PTPRD: variants seen among roughly 807,000 people sequenced by gnomAD.
PTPRD encodes protein tyrosine phosphatase receptor type D.
A neutral mutation model predicts 214.5 loss-of-function variants in PTPRD; 34 were observed. That is an observed-to-expected ratio of 0.16 (90% CI 0.12 to 0.21). The LOEUF (loss-of-function observed/expected upper bound fraction) is 0.21, where lower values mean the gene tolerates loss of function less well. Among genes scored for constraint, PTPRD ranks in the 10% least tolerant of loss-of-function variants. The pLI is 1.00. For synonymous variants in PTPRD, 1,128 were observed against 845.7 expected, an observed-to-expected ratio of 1.33 and a Z score of -5.79; for missense variants, 2,545 against 2,398.7, an observed-to-expected ratio of 1.06 and a Z score of -1.27.
At chr9:9,486,195 T>G (rs1366178346) in intron 8 of PTPRD, among the ~76,000 whole-genome samples, 1 of 125,078 alleles carries the variant, frequency 8.0e-6, no homozygotes, top group African/African-American at 3.0e-5. Context: ...AGCCTTCCCT[T>G]GAAGTCACTA....
intron 9 of PTPRD, among the ~76,000 whole-genome samples, chr9:9,345,345 G>A (rs1018989401): frequency 6.6e-6 from 1 of 152,060 alleles, no homozygotes; most frequent in South Asian, 2.1e-4. Context: ...TACAGCAGTA[G>A]GTTTTTGTTA....
At chr9:8,485,702 C>T in intron 28 of PTPRD, 60 bp downstream of exon 28, 2 of 1,417,008 alleles carry the variant, frequency 1.4e-6, no homozygotes, top group Non-Finnish European at 1.9e-6. Context: ...CTTCAAAATA[C>T]TGATTTCCAA....
chr9:9,884,456 T>C (rs1020128940), intron 5 of PTPRD, among the ~76,000 whole-genome samples: 2 of 152,132 alleles, frequency 1.3e-5, no homozygotes, highest in East Asian at 1.9e-4. Context: ...GCAGAGCTCA[T>C]TGTTTACAAA....
chr9:8,758,392 C>A (rs2094167867), intron 11 of PTPRD, among the ~76,000 whole-genome samples: 1 of 152,200 alleles, frequency 6.6e-6, no homozygotes, highest in Non-Finnish European at 1.5e-5. Context: ...ATGGGAAAAG[C>A]TGATACCTTA....
In PTPRD at chr9:9,925,995, A is replaced by AT. The variant is rs537590857; in HGVS notation, c.-368+12511dup. Among the ~76,000 whole-genome samples the AT allele has an allele frequency of 1.1e-3, 168 of 151,804 alleles. 5 individuals are homozygous for AT. The South Asian group carries it at 0.034, about 30-fold the overall frequency. On this transcript the variant is annotated intron_variant, in intron 5 of 45. Coordinates refer to ENST00000381196, the MANE Select transcript of PTPRD (RefSeq NM_002839.4). ...AGATGTACAGCACCATGCCTAGAAAATTTTTTTTAAGTTTTTGTAGAAATG... is the reference window on the plus strand; with the variant it reads ...AGATGTACAGCACCATGCCTAGAAAATTTTTTTTTAAGTTTTTGTAGAAATG...
intron 14 of PTPRD, among the ~76,000 whole-genome samples, chr9:8,558,109 A>T (rs2084715272): frequency 6.6e-6 from 1 of 152,174 alleles, no homozygotes; most frequent in African/African-American, 2.4e-5. Flanking sequence ...AATTTTTAAA[A>T]ATGAGAGGTA....
chr9:9,433,354 GTTGAGGATTTATAATGAGTA>G (rs2083968288), intron 8 of PTPRD, among the ~76,000 whole-genome samples: 1 of 152,138 alleles, frequency 6.6e-6, no homozygotes, highest in African/African-American at 2.4e-5. Flanking sequence ...TCAGAATTAC[GTTGAGGATTTATAATGAGTA>G]TTGCAGAAAC....
At chr9:10,301,970 C>A (rs939247436) in intron 3 of PTPRD, among the ~76,000 whole-genome samples, 2 of 152,134 alleles carry the variant, frequency 1.3e-5, no homozygotes, top group African/African-American at 4.8e-5. Context: ...ACATAATCGT[C>A]AGATTCACCA....
At chr9:10,570,375 C>T (rs1414165382) in intron 2 of PTPRD, among the ~76,000 whole-genome samples, 1 of 152,044 alleles carries the variant, frequency 6.6e-6, no homozygotes, top group Non-Finnish European at 1.5e-5. Flanking sequence ...GCTGAAATTG[C>T]CAAACAAGAT....
At chr9:10,230,046 T>C (rs1027951486) in intron 3 of PTPRD, among the ~76,000 whole-genome samples, 1 of 152,066 alleles carries the variant, frequency 6.6e-6, no homozygotes, top group Non-Finnish European at 1.5e-5. Flanking sequence ...TTGATATTAA[T>C]ACCTTTCATG....
chr9:10,424,876 C>CT (rs979296862), intron 2 of PTPRD, among the ~76,000 whole-genome samples: 48 of 152,062 alleles, frequency 3.2e-4, no homozygotes, highest in African/African-American at 1.1e-3. Context: ...CTAATAATCA[C>CT]TTTTTTACCA....
chr9:9,280,044 T>C (rs1288920801), intron 9 of PTPRD, among the ~76,000 whole-genome samples: 9 of 151,506 alleles, frequency 5.9e-5, no homozygotes, highest in East Asian at 5.9e-4. Flanking sequence ...AACAATGCTT[T>C]AGCATAGCAA....
At chr9:8,877,431 A>T (rs1226923931) in intron 11 of PTPRD, among the ~76,000 whole-genome samples, 1 of 152,128 alleles carries the variant, frequency 6.6e-6, no homozygotes, top group East Asian at 1.9e-4. Context: ...TATCTAGGGG[A>T]CTTTTATAGT....
intron 4 of PTPRD, among the ~76,000 whole-genome samples, chr9:9,952,863 C>T (rs2093579965): frequency 6.6e-6 from 1 of 152,094 alleles, no homozygotes; most frequent in South Asian, 2.1e-4. Flanking sequence ...GATCTGTTCA[C>T]TTATCTGGCT....
intron 9 of PTPRD, among the ~76,000 whole-genome samples, chr9:9,214,511 A>G (rs1216538557): frequency 2.0e-5 from 3 of 151,482 alleles, no homozygotes; most frequent in Admixed American, 2.0e-4. Context: ...CTTCTACTAC[A>G]AAGCAGGGGG....
chr9:8,595,082 C>G (rs1295007967), intron 14 of PTPRD, among the ~76,000 whole-genome samples: 1 of 151,208 alleles, frequency 6.6e-6, no homozygotes. Context: ...CCAAAATGGT[C>G]TAGATCTCCT....
rs371316232 is a variant in PTPRD at position 8,693,828 on chromosome 9, C to G, written c.64+39952G>C. Among the ~76,000 whole-genome samples, 47 of 152,280 alleles carry G rather than the reference C, an allele frequency of 3.1e-4. No homozygotes were observed. The East Asian group carries it at 6.8e-3, about 22-fold the overall frequency. On this transcript the variant is annotated intron_variant, in intron 12 of 45. Coordinates refer to ENST00000381196, the MANE Select transcript of PTPRD (RefSeq NM_002839.4). ...AAAACACTTCCACAACAAAACAAGC[C>G]AACAGAACAACTTGCGTTGCTTGAA...
intron 14 of PTPRD, among the ~76,000 whole-genome samples, chr9:8,623,133 A>G (rs2154303093): frequency 1.3e-5 from 2 of 152,060 alleles, no homozygotes; most frequent in South Asian, 4.1e-4. Context: ...CCTGGATGAC[A>G]AAGTGGTACC....
intron 8 of PTPRD, among the ~76,000 whole-genome samples, chr9:9,503,436 C>A (rs1381647935): frequency 6.6e-6 from 1 of 151,586 alleles, no homozygotes; most frequent in Admixed American, 6.6e-5. Flanking sequence ...ACATGCCACA[C>A]ATGTCAATAG....
Sources: gnomAD v4.1 joint callset for allele counts (sites outside exome capture counted in the v4.1 genomes callset) on GRCh38, gnomAD v4.1.1 for gene constraint, MANE v1.5 for transcripts, NCBI Gene and HGNC (gene_info 2026-07-23, HGNC 2026-07-21) for gene names.